SRPK2: variants seen among roughly 807,000 people sequenced by gnomAD.
The protein encoded by SRPK2 is SRSF protein kinase 2.
Under a neutral mutation model 90.8 loss-of-function variants are expected in SRPK2, and 21 were observed. That is an observed-to-expected ratio of 0.23 (90% confidence interval 0.16 to 0.33). The LOEUF is 0.33. Ranked by LOEUF, SRPK2 falls within the 10% of genes least tolerant of loss-of-function variation. SRPK2 has a pLI of 1.00. For synonymous variants in SRPK2, 288 were observed against 311.1 expected, an observed-to-expected ratio of 0.93 and a Z score of 0.78; for missense variants, 620 against 869.0, an observed-to-expected ratio of 0.71 and a Z score of 3.60.
intron 2 of SRPK2, among the ~76,000 whole-genome samples, chr7:105,293,780 T>TGTTA (rs1257731123): frequency 6.6e-6 from 1 of 152,198 alleles, no homozygotes; most frequent in African/African-American, 2.4e-5. Context: ...ATATGTCCAA[T>TGTTA]GTTACCTAGC....
intron 2 of SRPK2, chr7:105,269,185 AAAC>A (rs1297492417): frequency 1.4e-6 from 1 of 724,044 alleles, no homozygotes; most frequent in African/African-American, 1.9e-5. Context: ...AATAAAATAC[AAAC>A]AAGAAATCTT....
intron 9 of SRPK2, chr7:105,143,636 T>G: frequency 3.1e-6 from 1 of 324,448 alleles, no homozygotes; most frequent in Non-Finnish European, 5.7e-6. Context: ...CTCTTGGCCT[T>G]AAAGGAGAAG....
chr7:105,372,091 C>T (rs1439539535), intron 2 of SRPK2, among the ~76,000 whole-genome samples: 4 of 139,648 alleles, frequency 2.9e-5, no homozygotes, highest in Non-Finnish European at 4.5e-5. Context: ...GCCGAGATAG[C>T]GCCACTGCAC....
At chr7:105,176,324 T>C (rs1253726120) in intron 3 of SRPK2, among the ~76,000 whole-genome samples, 1 of 152,136 alleles carries the variant, frequency 6.6e-6, no homozygotes, top group Non-Finnish European at 1.5e-5. Flanking sequence ...GGAACATCAA[T>C]GAAAAGCCCA....
intron 2 of SRPK2, among the ~76,000 whole-genome samples, chr7:105,348,068 C>CTTTTTTTTTTTT (rs770159031): frequency 2.5e-5 from 2 of 81,022 alleles, no homozygotes; most frequent in African/African-American, 5.0e-5. Context: ...GCTTGGCAAA[C>CTTTTTTTTTTTT]TTTTTTTTTT....
At position 105,372,546 on chromosome 7, in the gene SRPK2, A is replaced by T. The variant is rs190972590; in HGVS notation, c.71+16102T>A. Among the ~76,000 whole-genome samples the T allele has an allele frequency of 8.6e-4, 131 of 152,302 alleles. 1 individual carries two copies. Among genetic ancestry groups the T allele is most frequent in the African/African-American group, 3.0e-3 (126 of 41,562 alleles). On this transcript the variant is annotated intron_variant, in intron 2 of 15. Transcript: ENST00000393651. ...ACACAACAACCAAATAAAGCACCCC[A>T]ACCCAAACAAAGGAAAGAAAAAACT...
At chr7:105,331,308 CAAAAAAAAAAAAAAAAA>C (rs57653042) in intron 2 of SRPK2, among the ~76,000 whole-genome samples, 4 of 45,108 alleles carry the variant, frequency 8.9e-5, no homozygotes, top group Admixed American at 3.0e-4. Context: ...GACTCCGTCT[CAAAAAAAAAAAAAAAAA>C]AAAAAAAAAA....
intron 2 of SRPK2, among the ~76,000 whole-genome samples, chr7:105,317,880 C>T (rs1447198801): frequency 2.0e-5 from 3 of 152,174 alleles, no homozygotes; most frequent in Admixed American, 1.3e-4. Context: ...TCACAAGTAG[C>T]TGGGACTATA....
intron 9 of SRPK2, chr7:105,143,570 C>G (rs1190076854): frequency 1.9e-6 from 1 of 525,386 alleles, no homozygotes; most frequent in Admixed American, 3.5e-5. Context: ...AGGGATATAG[C>G]TTAAATCCAG....
chr7:105,351,146 T>A (rs1411335979), intron 2 of SRPK2, among the ~76,000 whole-genome samples: 1 of 152,078 alleles, frequency 6.6e-6, no homozygotes, highest in Non-Finnish European at 1.5e-5. Context: ...CGGATTATCC[T>A]GGGAGTGCGA....
At chr7:105,129,836 C>T (rs1373954471) in intron 13 of SRPK2, among the ~76,000 whole-genome samples, 2 of 152,110 alleles carry the variant, frequency 1.3e-5, no homozygotes, top group African/African-American at 2.4e-5. Context: ...TGAAGTATCC[C>T]GATTCTGAAC....
At chr7:105,351,648 C>CA in intron 2 of SRPK2, among the ~76,000 whole-genome samples, 1 of 151,760 alleles carries the variant, frequency 6.6e-6, no homozygotes, top group Admixed American at 6.6e-5. Context: ...ACTAAAAATA[C>CA]AAAAAATTAG....
chr7:105,325,995 C>A (rs1428417412), intron 2 of SRPK2, among the ~76,000 whole-genome samples: 3 of 152,196 alleles, frequency 2.0e-5, no homozygotes, highest in Non-Finnish European at 4.4e-5. Context: ...GGCTACCGGT[C>A]CCCTGCCGGC....
At chr7:105,223,580 C>G (rs1256270606) in intron 2 of SRPK2, among the ~76,000 whole-genome samples, 1 of 152,220 alleles carries the variant, frequency 6.6e-6, no homozygotes, top group Admixed American at 6.5e-5. Flanking sequence ...ATGTCCCCCA[C>G]AGATCTCAAC....
At chr7:105,253,520 C>CT (rs2129632217) in intron 2 of SRPK2, among the ~76,000 whole-genome samples, 1 of 152,292 alleles carries the variant, frequency 6.6e-6, no homozygotes, top group East Asian at 1.9e-4. Flanking sequence ...CCATCCTCTC[C>CT]TCCATCTCTT....
rs767725026 is a variant in SRPK2, at chr7:105,117,985, G to C, written c.1953C>G (p.Ser651Arg). The C allele has an allele frequency of 6.2e-7, 1 of 1,614,032 alleles. No homozygotes were observed. The highest frequency in any genetic ancestry group is 1.1e-5 in the South Asian group (1 of 91,082). The part of the protein sequence containing the change: ...LRHITKLKPW[S>R]LFDVLVEKYG... ...ACTTTTCCACAAGTACATCAAAGAG[G>C]CTCCAGGGCTTCAGCTTGGTGATGT... is the stretch of plus-strand genomic sequence containing the variant. Residue 651 changes from serine (S) to arginine (R), a missense_variant, in exon 16 of 16, where the codon AGC becomes AGG. Around this residue, in one of 8 missense-constraint regions of SRPK2, gnomAD observed 71 missense variants for 123.1 expected, o/e 0.58. Transcript: ENST00000393651.
intron 13 of SRPK2, among the ~76,000 whole-genome samples, chr7:105,127,598 A>G (rs959338936): frequency 2.0e-5 from 3 of 152,198 alleles, no homozygotes; most frequent in Non-Finnish European, 4.4e-5. Flanking sequence ...TGGAAACAAA[A>G]AAGACCCTCT....
chr7:105,291,546 T>C (rs985182866), intron 2 of SRPK2, among the ~76,000 whole-genome samples: 4 of 151,986 alleles, frequency 2.6e-5, no homozygotes, highest in Non-Finnish European at 4.4e-5. Flanking sequence ...CTGGCCAATA[T>C]GGTGAAACCC....
rs1491014453 is a variant in SRPK2, at chr7:105,170,938, A to AAG, written c.230-1674_230-1673insCT. Among the ~76,000 whole-genome samples, 190 of 36,360 alleles carry AAG rather than the reference A, an allele frequency of 5.2e-3. 10 individuals carry two copies. Among genetic ancestry groups the AAG allele is most frequent in the African/African-American group, 0.016 (181 of 11,432 alleles). 23.9% of individuals were successfully genotyped at this position (36,360 alleles called of 152,430 possible). On this transcript the variant is annotated intron_variant, in intron 3 of 15. Coordinates refer to ENST00000393651, the MANE Select transcript of SRPK2 (RefSeq NM_182692.3). ...AAGGAGAAAGAAAAAGAAAAAGGAA[A>AAG]GAAAGAAAGAAAGAAAGAAAGAAAG... is the stretch of plus-strand genomic sequence containing the variant.
Sources: allele counts gnomAD v4.1 joint callset (sites outside exome capture counted in the v4.1 genomes callset), GRCh38; gene constraint gnomAD v4.1.1; regional missense constraint gnomAD v4.1.1; transcripts MANE v1.5; gene names NCBI Gene and HGNC (gene_info 2026-07-23, HGNC 2026-07-21).